Variants in TGM2 observed in about 807,000 individuals in gnomAD.
TGM2 encodes transglutaminase 2, also known as protein-glutamine gamma-glutamyltransferase 2.
A neutral mutation model predicts 75.6 loss-of-function variants in TGM2; 53 were observed. The ratio of observed to expected loss-of-function variants is 0.70; its 90% CI spans 0.56 to 0.88. TGM2 has a LOEUF of 0.88. TGM2 is among the 40% of genes least tolerant of loss of function. The probability of loss-of-function intolerance (pLI) is 0.00; values close to 1 mark genes in which losing one functional copy is unlikely to be tolerated. For synonymous variants in TGM2, 374 were observed against 381.1 expected (o/e 0.98, Z 0.22); for missense variants, 842 against 928.5 (o/e 0.91, Z 1.21).
At chr20:38,140,159 CGT>C (rs1289996280) in intron 8 of TGM2, among the ~76,000 whole-genome samples, 1 of 152,236 alleles carries the variant, frequency 6.6e-6, no homozygotes, top group Admixed American at 6.5e-5. Context: ...AGCCCCAGGG[CGT>C]GTGTGTTCTC....
In TGM2 at chr20:38,161,496, G is replaced by A. The variant is rs1023348224; in HGVS notation, c.114C>T (p.Pro38=). ...CCTCAAAGTGCAGGGTCAGCCAGAAGGGCTGGCCCCGTCGCACCACCAGCT... is the reference window on the plus strand; with the variant it reads ...CCTCAAAGTGCAGGGTCAGCCAGAAAGGCTGGCCCCGTCGCACCACCAGCT... The part of the protein sequence containing the change: ...REKLVVRRGQ[P]FWLTLHFEGR... Residue 38 remains proline, a synonymous_variant, in exon 2 of 13, where the codon CCC becomes CCT. Transcript: ENST00000361475. 6 of 1,614,176 alleles carry A rather than the reference G, an allele frequency of 3.7e-6. No homozygotes were observed. Among genetic ancestry groups the A allele is most frequent in the Non-Finnish European group, 4.2e-6 (5 of 1,180,036 alleles).
rs1356060818 is a variant in TGM2 at position 38,130,024 on chromosome 20, A to G, written c.*195T>C. On this transcript the variant is annotated 3_prime_UTR_variant, in exon 13 of 13. Transcript: ENST00000361475. ...CTGGCACAGAGCATTCCTCACAGCAAAGGGGGTGAGTGGGGACCCACAGGC... is the reference window on the plus strand; with the variant it reads ...CTGGCACAGAGCATTCCTCACAGCAGAGGGGGTGAGTGGGGACCCACAGGC... 2.9e-6 allele frequency: 2 copies of G among 684,178 alleles called. No homozygotes were observed. Among genetic ancestry groups the G allele is most frequent in the East Asian group, 2.8e-5 (1 of 36,314 alleles). 42.4% of individuals were successfully genotyped at this position (684,178 alleles called of 1,614,324 possible). A position where few individuals can be genotyped will look rare whatever the true frequency, so the allele number is the denominator to read the frequency against.
At chr20:38,161,224 G>T (rs1048742879) in intron 2 of TGM2, among the ~76,000 whole-genome samples, 196 bp downstream of exon 2, 2 of 152,214 alleles carry the variant, frequency 1.3e-5, no homozygotes, top group African/African-American at 4.8e-5. Context: ...CTGGTGGTCT[G>T]CCATGACATC....
At chr20:38,151,292 C>T (rs1224221243) in intron 3 of TGM2, among the ~76,000 whole-genome samples, 2 of 152,190 alleles carry the variant, frequency 1.3e-5, no homozygotes, top group Admixed American at 1.3e-4. Context: ...GTGCCAGGAC[C>T]TGTGATAAAT....
rs1369746541 is a variant in TGM2 at position 38,155,882 on chromosome 20, C to A, written c.398G>T (p.Gly133Val). 6.2e-7 allele frequency: 1 copy of A among 1,602,850 alleles called. No individual in the cohort carries two copies. The highest frequency in any genetic ancestry group is 1.3e-5 in the African/African-American group (1 of 74,900). Residue 133 changes from glycine (G) to valine (V), a missense_variant, in exon 3 of 13, where the codon GGC becomes GTC. Gly to Val is a moderately radical substitution (Grantham distance 109). Coordinates refer to ENST00000361475, the MANE Select transcript of TGM2 (RefSeq NM_004613.4). ...TGYQGSSFVL[G>V]HFILLFNAWC... ...GGCGTTGAAGAGCAAAATGAAGTGGCCCAGCACAAAGCTGGATCCCTGGTA... is the reference window on the plus strand; with the variant it reads ...GGCGTTGAAGAGCAAAATGAAGTGGACCAGCACAAAGCTGGATCCCTGGTA...
chr20:38,140,600 G>GGTCATTACAACCTTACA (rs983186610), intron 8 of TGM2, among the ~76,000 whole-genome samples: 1 of 152,124 alleles, frequency 6.6e-6, no homozygotes, highest in African/African-American at 2.4e-5. Context: ...CCACAGGCGT[G>GGTCATTACAACCTTACA]GTCATTACAA....
chr20:38,162,839 T>C (rs770515716), intron 1 of TGM2, among the ~76,000 whole-genome samples: 75 of 152,190 alleles, frequency 4.9e-4, no homozygotes, highest in Non-Finnish European at 9.8e-4. Context: ...GATGAGGACA[T>C]AGGAATTTAT....
At chr20:38,130,423 T>C in intron 12 of TGM2, 54 bp from the exon 13 acceptor site, 4 of 1,543,516 alleles carry the variant, frequency 2.6e-6, no homozygotes, top group South Asian at 1.2e-5. Context: ...GGCTCCCGCA[T>C]GCTGGGGTCC....
In TGM2 at chr20:38,143,725, AT is replaced by A. The variant is rs151255819; in HGVS notation, c.860-1527del. Among the ~76,000 whole-genome samples the A allele has an allele frequency of 3.0e-3, 451 of 152,370 alleles. 1 individual carries two copies. Among genetic ancestry groups the A allele is most frequent in the African/African-American group, 0.01 (434 of 41,592 alleles). On this transcript the variant is annotated intron_variant, in intron 6 of 12. Transcript: ENST00000361475. ...AAAAGTAACAGATTCCCAGAAAAAA[AT>A]ATCTAAAAAATGAAGAGAAACAAGA...
chr20:38,158,762 G>C (rs1188554796), intron 2 of TGM2, among the ~76,000 whole-genome samples: 3 of 152,214 alleles, frequency 2.0e-5, no homozygotes. Flanking sequence ...ACCTTAGCCA[G>C]CTCTCCTGCT....
chr20:38,132,966 A>T, intron 10 of TGM2: 1 of 418,674 alleles, frequency 2.4e-6, no homozygotes, highest in Non-Finnish European at 4.9e-6. Flanking sequence ...CAGGCACTGC[A>T]CTTCCCACGG....
intron 11 of TGM2, 37 bp from the exon 12 acceptor site, chr20:38,131,266 GGGATCCA>G (rs2074827702): frequency 1.2e-6 from 2 of 1,612,532 alleles, no homozygotes; most frequent in Non-Finnish European, 1.7e-6. Context: ...AAGGGCAGGT[GGGATCCA>G]GGCTGGGCTG....
chr20:38,158,518 C>T (rs980847130), intron 2 of TGM2, among the ~76,000 whole-genome samples: 18 of 152,266 alleles, frequency 1.2e-4, no homozygotes, highest in African/African-American at 4.1e-4. Context: ...TTCTATCAGC[C>T]TCATAAGGGT....
At chr20:38,153,039 G>T (rs1055267705) in intron 3 of TGM2, among the ~76,000 whole-genome samples, 5 of 65,900 alleles carry the variant, frequency 7.6e-5, no homozygotes, top group Admixed American at 5.5e-4. Flanking sequence ...CCTATGGGGC[G>T]GGGGGGGGGA....
rs982670809 is a variant in TGM2, at chr20:38,130,156, C to T, written c.*63G>A. The T allele has an allele frequency of 3.7e-6, 6 of 1,605,186 alleles. No individual in the cohort carries two copies. The highest frequency in any genetic ancestry group is 4.2e-6 in the Non-Finnish European group (5 of 1,176,788). On this transcript the variant is annotated 3_prime_UTR_variant, in exon 13 of 13. Coordinates refer to ENST00000361475, the MANE Select transcript of TGM2 (RefSeq NM_004613.4). The stretch of plus-strand genomic sequence containing the variant: ...CCCAAGAAGGGGCATATTTTGCTCA[C>T]TAGCTTGGGATAAGGATTGGGATCA...
In TGM2 at chr20:38,128,114, A is replaced by G. The variant is rs2074784970; in HGVS notation, c.*2105T>C. The G allele has an allele frequency of 6.6e-6, 1 of 152,218 alleles. No individual in the cohort carries two copies. Among genetic ancestry groups the G allele is most frequent in the African/African-American group, 2.4e-5 (1 of 41,442 alleles). The allele number at this position is 152,218 out of a possible 1,614,324, so 9.4% of individuals were successfully genotyped here. ...CAAGGAAGGTTTCACAGAAGAGGTGACTTTGGTGTTAAGCATTATAGGATG... is the reference window on the plus strand; with the variant it reads ...CAAGGAAGGTTTCACAGAAGAGGTGGCTTTGGTGTTAAGCATTATAGGATG... On this transcript the variant is annotated 3_prime_UTR_variant, in exon 13 of 13. Transcript: ENST00000361475.
Position 38,139,518 on chromosome 20 carries a change from C to G in TGM2, c.1236G>C (p.Val412=). ...VDWIQQDDGS[V]HKSINRSLIV... ...TCAGGGAACGGTTGATGGATTTGTG[C>G]ACAGACCCATCGTCCTGCTGGATCC... The change falls in exon 9 of 13, where the codon GTG becomes GTC. Residue 412 remains valine (V), a synonymous_variant. Coordinates refer to ENST00000361475, the MANE Select transcript of TGM2 (RefSeq NM_004613.4). 3.1e-6 allele frequency: 5 copies of G among 1,614,220 alleles called. No homozygotes were observed. Among genetic ancestry groups the G allele is most frequent in the Non-Finnish European group, 4.2e-6 (5 of 1,180,046 alleles).
chr20:38,156,155 T>C, intron 2 of TGM2, 66 bp from the exon 3 acceptor site: 1 of 1,569,776 alleles, frequency 6.4e-7, no homozygotes. Context: ...GGCACCTACG[T>C]GGGGTCCCCC....
intron 10 of TGM2, 126 bp from the exon 11 acceptor site, chr20:38,132,626 G>A (rs1339445359): frequency 3.0e-6 from 4 of 1,319,314 alleles, no homozygotes; most frequent in Admixed American, 3.4e-5. Flanking sequence ...GAATGGCTGG[G>A]CGGATCCCTG....
Sources: allele counts gnomAD v4.1 joint callset (sites outside exome capture counted in the v4.1 genomes callset), GRCh38; gene constraint gnomAD v4.1.1; transcripts MANE v1.5; gene names NCBI Gene and HGNC (gene_info 2026-07-23, HGNC 2026-07-21).